Variants in RBPMS2 observed in about 807,000 individuals in gnomAD.
RBPMS2 encodes the protein RNA-binding protein with multiple splicing 2.
RBPMS2 carries 14 observed loss-of-function variants against 25.7 expected under a neutral mutation model. The ratio of observed to expected loss-of-function variants is 0.55; its 90% CI spans 0.36 to 0.85. The LOEUF (loss-of-function observed/expected upper bound fraction) is 0.85, where lower values mean the gene tolerates loss of function less well. RBPMS2 is among the 40% of genes least tolerant of loss of function. The pLI is 0.01. For missense variants in RBPMS2, 252 were observed against 283.4 expected (o/e 0.89, Z 0.80); for synonymous variants, 127 against 115.6 (o/e 1.10, Z -0.63).
At chr15:64,764,025 C>T (rs1262820828) in intron 1 of RBPMS2, among the ~76,000 whole-genome samples, 1 of 152,218 alleles carries the variant, frequency 6.6e-6, no homozygotes, top group Non-Finnish European at 1.5e-5. Context: ...CTAGACCAAA[C>T]AGAGAATGAG....
intron 1 of RBPMS2, chr15:64,761,032 T>TAAAAAAAAAAAAAAAA (rs11311868): frequency 7.9e-6 from 1 of 126,766 alleles, no homozygotes; most frequent in African/African-American, 2.8e-5. Context: ...GAAATATCCT[T>TAAAAAAAAAAAAAAAA]AAAAAAAAAA....
chr15:64,749,621 G>C, intron 3 of RBPMS2, 128 bp from the exon 4 acceptor site: 1 of 791,512 alleles, frequency 1.3e-6, no homozygotes, highest in Non-Finnish European at 1.9e-6. Context: ...GAATACAAAA[G>C]GAAAAAAAGC....
chr15:64,767,116 G>GAGACAGGGGCTCTCACTCT (rs1404376650), intron 1 of RBPMS2, among the ~76,000 whole-genome samples: 1 of 148,658 alleles, frequency 6.7e-6, no homozygotes, highest in African/African-American at 2.5e-5. Flanking sequence ...CTTTTTTTTT[G>GAGACAGGGGCTCTCACTCT]AGACAGGGGC....
At position 64,741,234 on chromosome 15, in the gene RBPMS2, C is replaced by T; in HGVS notation, c.576G>A (p.Trp192Ter). The change falls in exon 7 of 8, where the codon TGG becomes TGA. Residue 192 changes from tryptophan (W) to a stop codon, truncating the protein, a stop_gained. Coordinates refer to ENST00000300069, the MANE Select transcript of RBPMS2 (RefSeq NM_194272.3). LOFTEE classifies it high-confidence loss of function. ...GCTGGGTGGTGTCAGAGGAAGGGTACCAGCGCACCTGCAAGAGAAGCCAAC... is the reference window on the plus strand; with the variant it reads ...GCTGGGTGGTGTCAGAGGAAGGGTATCAGCGCACCTGCAAGAGAAGCCAAC... ...AAAALHAQVR[W>*]YPSSDTTQQG... 1 of 1,590,688 alleles carries T rather than the reference C, an allele frequency of 6.3e-7. No individual in the cohort carries two copies. Among genetic ancestry groups the T allele is most frequent in the Non-Finnish European group, 8.6e-7 (1 of 1,168,506 alleles).
intron 1 of RBPMS2, among the ~76,000 whole-genome samples, chr15:64,771,708 C>T (rs973083442): frequency 5.4e-5 from 8 of 148,748 alleles, no homozygotes; most frequent in African/African-American, 7.5e-5. Flanking sequence ...GCCTGTAATC[C>T]CAGCACTTTG....
At chr15:64,742,310 T>C (rs1017667515) in intron 6 of RBPMS2, among the ~76,000 whole-genome samples, 1 of 152,212 alleles carries the variant, frequency 6.6e-6, no homozygotes, top group African/African-American at 2.4e-5. Context: ...TTCCCACCCC[T>C]GCTGTGCCAT....
At position 64,750,034 on chromosome 15, in the gene RBPMS2, CA is replaced by C. The variant is rs1451821609; in HGVS notation, c.204+308del. On this transcript the variant is annotated intron_variant, in intron 3 of 7. Transcript: ENST00000300069. ...TCGTGCCATTGCACTCCAGCCTGGG[CA>C]ACAAGAGCAAAACTCCATCTCAAAA... Among the ~76,000 whole-genome samples, 4 of 149,678 alleles carry C rather than the reference CA, an allele frequency of 2.7e-5. No individual in the cohort carries two copies. The Admixed American group carries it at 2.7e-4, about 10-fold the overall frequency.
intron 1 of RBPMS2, among the ~76,000 whole-genome samples, chr15:64,767,976 T>C (rs1317002721): frequency 6.6e-6 from 1 of 152,128 alleles, no homozygotes; most frequent in East Asian, 1.9e-4. Flanking sequence ...GCTGGCCTCC[T>C]TGAGTGGGAT....
At chr15:64,762,300 A>G (rs541106510) in intron 1 of RBPMS2, 10 of 487,330 alleles carry the variant, frequency 2.1e-5, no homozygotes, top group African/African-American at 1.2e-4. Flanking sequence ...CAGACTGTCA[A>G]CTCCCCACAG....
At chr15:64,751,679 A>ACGGACAGGGATGACAACAGCGCTTC (rs753681192) in intron 1 of RBPMS2, 41 bp from the exon 2 acceptor site, 3 of 1,546,572 alleles carry the variant, frequency 1.9e-6, no homozygotes, top group Non-Finnish European at 2.7e-6. Flanking sequence ...GCTGCCCAAG[A>ACGGACAGGGATGACAACAGCGCTTC]CGGACAGGGA....
intron 6 of RBPMS2, among the ~76,000 whole-genome samples, chr15:64,743,631 G>A (rs953763707): frequency 4.9e-5 from 2 of 40,808 alleles, no homozygotes; most frequent in Admixed American, 3.6e-4. Flanking sequence ...AGGGCCTCCA[G>A]TTGTGCCCAG....
At chr15:64,759,591 G>A (rs1337754741) in intron 1 of RBPMS2, among the ~76,000 whole-genome samples, 4 of 152,128 alleles carry the variant, frequency 2.6e-5, no homozygotes, top group Admixed American at 1.3e-4. Context: ...AACCCTTCAG[G>A]AGCAAAGTAT....
intron 1 of RBPMS2, among the ~76,000 whole-genome samples, chr15:64,765,138 A>T (rs1567070273): frequency 6.7e-6 from 1 of 149,554 alleles, no homozygotes; most frequent in Non-Finnish European, 1.5e-5. Context: ...GAGGCAGAAG[A>T]ATGACATGAA....
At chr15:64,743,901 T>C (rs1188688167) in intron 6 of RBPMS2, among the ~76,000 whole-genome samples, 1 of 151,922 alleles carries the variant, frequency 6.6e-6, no homozygotes, top group East Asian at 1.9e-4. Context: ...GCCCAGAAGT[T>C]TGAGACCAGC....
intron 1 of RBPMS2, among the ~76,000 whole-genome samples, chr15:64,752,264 A>G (rs1595788115): frequency 6.6e-6 from 1 of 152,150 alleles, no homozygotes; most frequent in East Asian, 1.9e-4. Context: ...CTCAGACAAA[A>G]AAGTATCTGT....
At chr15:64,768,005 T>TGGGGCAGACTAA (rs1381606503) in intron 1 of RBPMS2, among the ~76,000 whole-genome samples, 2 of 152,172 alleles carry the variant, frequency 1.3e-5, no homozygotes, top group Non-Finnish European at 2.9e-5. Context: ...TGGTTCTCTC[T>TGGGGCAGACTAA]GGGGCAGACT....
intron 6 of RBPMS2, among the ~76,000 whole-genome samples, chr15:64,745,741 TAGCC>T (rs1183714210): frequency 6.6e-6 from 1 of 152,204 alleles, no homozygotes; most frequent in East Asian, 1.9e-4. Flanking sequence ...CCAGGCAAGG[TAGCC>T]TCATGCCAAG....
At chr15:64,743,941 C>CA (rs1352878057) in intron 6 of RBPMS2, among the ~76,000 whole-genome samples, 3 of 151,632 alleles carry the variant, frequency 2.0e-5, no homozygotes, top group South Asian at 2.1e-4. Context: ...CCCGTCTCTG[C>CA]AAAAAAATAC....
chr15:64,759,326 C>A (rs1317641760), intron 1 of RBPMS2, among the ~76,000 whole-genome samples: 2 of 152,184 alleles, frequency 1.3e-5, no homozygotes, highest in Non-Finnish European at 2.9e-5. Context: ...CTAATCCCAC[C>A]ACGACGGAGG....
Sources: allele counts gnomAD v4.1 joint callset (sites outside exome capture counted in the v4.1 genomes callset), GRCh38; gene constraint gnomAD v4.1.1; transcripts MANE v1.5; gene names NCBI Gene and HGNC (gene_info 2026-07-23, HGNC 2026-07-21).